The following GABRB3 variants were observed in gnomAD, a reference collection of about 807,000 sequenced individuals.
GABRB3 encodes gamma-aminobutyric acid receptor subunit beta-3.
A neutral mutation model predicts 52.1 loss-of-function variants in GABRB3; 14 were observed. The ratio of observed to expected loss-of-function variants is 0.27; its 90% CI spans 0.18 to 0.42. The LOEUF (loss-of-function observed/expected upper bound fraction) is 0.42, where lower values mean the gene tolerates loss of function less well. GABRB3 is among the 10% of genes least tolerant of loss of function. The pLI, the probability that GABRB3 is intolerant of heterozygous loss-of-function variation, is 1.00. For synonymous variants in GABRB3, 260 were observed against 232.3 expected, an observed-to-expected ratio of 1.12 and a Z score of -1.08; for missense variants, 307 against 609.1, an observed-to-expected ratio of 0.50 and a Z score of 5.22.
At chr15:26,614,443 G>C (rs926292776) in intron 4 of GABRB3, 7 of 152,158 alleles carry the variant, frequency 4.6e-5, no homozygotes, top group African/African-American at 1.7e-4. Flanking sequence ...AGTAGCCTGA[G>C]TGATAATAAA....
chr15:26,635,002 A>ATC (rs1893014807), intron 3 of GABRB3, among the ~76,000 whole-genome samples: 2 of 7,794 alleles, frequency 2.6e-4, no homozygotes, highest in Non-Finnish European at 1.1e-3. Context: ...ATATATATAT[A>ATC]TATATATAAT....
chr15:26,630,762 A>G (rs1397433902), intron 3 of GABRB3, among the ~76,000 whole-genome samples: 8 of 152,178 alleles, frequency 5.3e-5, no homozygotes, highest in African/African-American at 1.7e-4. Context: ...AGAAAATACA[A>G]TCTCTCTCAG....
At chr15:26,701,400 G>A (rs1156467745) in intron 3 of GABRB3, among the ~76,000 whole-genome samples, 2 of 152,184 alleles carry the variant, frequency 1.3e-5, no homozygotes, top group Non-Finnish European at 2.9e-5. Flanking sequence ...ACAAGACTGT[G>A]GGGTATCAAG....
At chr15:26,751,118 T>C (rs1446673410) in intron 3 of GABRB3, among the ~76,000 whole-genome samples, 2 of 152,194 alleles carry the variant, frequency 1.3e-5, no homozygotes, top group South Asian at 2.1e-4. Context: ...AACTATGTGA[T>C]GCGTTTTTAC....
At chr15:26,772,355 C>G in intron 3 of GABRB3, 47 bp downstream of exon 3, 10 of 1,528,778 alleles carry the variant, frequency 6.5e-6, no homozygotes, top group Non-Finnish European at 9.0e-6. Flanking sequence ...TGATCCCAGA[C>G]AGCGGGCCGG....
At chr15:26,587,965 C>G (rs1225201045) in intron 4 of GABRB3, among the ~76,000 whole-genome samples, 2 of 152,122 alleles carry the variant, frequency 1.3e-5, no homozygotes, top group Admixed American at 1.3e-4. Context: ...GGGTGAGGCT[C>G]TCTCAGTATT....
chr15:26,612,011 A>T (rs1892088434), intron 4 of GABRB3: 4 of 152,222 alleles, frequency 2.6e-5, no homozygotes, highest in Admixed American at 6.5e-5. Flanking sequence ...TACTAGTCAC[A>T]TGCCTGAAGT....
intron 4 of GABRB3, among the ~76,000 whole-genome samples, chr15:26,584,373 G>A (rs375609611): frequency 6.6e-6 from 1 of 152,086 alleles, no homozygotes; most frequent in Non-Finnish European, 1.5e-5. Context: ...CTTTCCACGG[G>A]AAGTGTTAAA....
chr15:26,726,926 C>A (rs545826466), intron 3 of GABRB3, among the ~76,000 whole-genome samples: 7 of 152,024 alleles, frequency 4.6e-5, no homozygotes, highest in Non-Finnish European at 8.8e-5. Flanking sequence ...TTTGGGAGAC[C>A]GAGGCAGGCG....
At chr15:26,649,538 A>T (rs566218556) in intron 3 of GABRB3, among the ~76,000 whole-genome samples, 3 of 152,280 alleles carry the variant, frequency 2.0e-5, no homozygotes, top group Admixed American at 6.5e-5. Context: ...GACAGGCATG[A>T]CTGGAGGTAG....
At chr15:26,642,289 T>C in intron 3 of GABRB3, 1 of 230,046 alleles carries the variant, frequency 4.3e-6, no homozygotes, top group East Asian at 9.9e-5. Context: ...CAACTTTTCG[T>C]GTATGGTATA....
Position 26,547,068 on chromosome 15 carries a change from C to G in GABRB3, c.*725G>C, listed in dbSNP as rs964313066. The G allele has an allele frequency of 2.6e-5, 4 of 154,088 alleles. No individual in the cohort carries two copies. Among genetic ancestry groups the G allele is most frequent in the Non-Finnish European group, 4.3e-5 (3 of 69,502 alleles). 9.5% of individuals were successfully genotyped at this position (154,088 alleles called of 1,614,324 possible). A position where few individuals can be genotyped will look rare whatever the true frequency, so the allele number is the denominator to read the frequency against. ...ACACTGTATATTAGAGTACTTACAACGAGATGCCATTCACTCCCGATGAGT... is the reference window on the plus strand; with the variant it reads ...ACACTGTATATTAGAGTACTTACAAGGAGATGCCATTCACTCCCGATGAGT... On this transcript the variant is annotated 3_prime_UTR_variant, in exon 9 of 9. Coordinates refer to ENST00000311550, the MANE Select transcript of GABRB3 (RefSeq NM_000814.6).
At chr15:26,567,265 C>T (rs188120155) in intron 7 of GABRB3, among the ~76,000 whole-genome samples, 136 of 152,234 alleles carry the variant, frequency 8.9e-4, no homozygotes, top group Non-Finnish European at 1.6e-3. Context: ...CTTTCTGGGC[C>T]ATGGAATAAT....
chr15:26,621,241 A>G lies in GABRB3; in HGVS notation c.461+73T>C. Reference sequence around the variant, plus strand: ...TGAGGTCATTGCCTCACTTACAATAATCATCTCAAGTGAGATATTCAACAC... The same window carrying G: ...TGAGGTCATTGCCTCACTTACAATAGTCATCTCAAGTGAGATATTCAACAC... On this transcript the variant is annotated intron_variant, in intron 4 of 8. Coordinates refer to ENST00000311550, the MANE Select transcript of GABRB3 (RefSeq NM_000814.6). This position sits in a 1 kb window ranked among gnomAD's most constrained non-coding sequence, Gnocchi z 4.1. 1 of 1,151,344 alleles carries G rather than the reference A, an allele frequency of 8.7e-7. No homozygotes were observed. The highest frequency in any genetic ancestry group is 1.3e-6 in the Non-Finnish European group (1 of 759,264). 71.3% of individuals were successfully genotyped at this position (1,151,344 alleles called of 1,614,324 possible). A position where few individuals can be genotyped will look rare whatever the true frequency, so the allele number is the denominator to read the frequency against.
intron 4 of GABRB3, among the ~76,000 whole-genome samples, chr15:26,594,003 T>A (rs921922302): frequency 7.2e-5 from 10 of 138,194 alleles, no homozygotes; most frequent in African/African-American, 2.7e-4. Context: ...TATATATATA[T>A]AATAGCCATC....
At chr15:26,691,057 C>T (rs1888572862) in intron 3 of GABRB3, among the ~76,000 whole-genome samples, 1 of 151,520 alleles carries the variant, frequency 6.6e-6, no homozygotes. Context: ...TTATTCCCTC[C>T]TCTCCCTCCC....
At chr15:26,704,264 G>A (rs35990452) in intron 3 of GABRB3, among the ~76,000 whole-genome samples, 25,148 of 152,250 alleles carry the variant, frequency 0.17, 2,316 homozygotes, top group Middle Eastern at 0.26. Context: ...GTGGAGAAAA[G>A]ACTTAAAGTA....
intron 4 of GABRB3, among the ~76,000 whole-genome samples, chr15:26,605,761 G>T (rs945365301): frequency 6.6e-6 from 1 of 152,146 alleles, no homozygotes; most frequent in East Asian, 1.9e-4. Flanking sequence ...TAGAAGGATG[G>T]TAAGTGTAGT....
chr15:26,654,808 TTTTG>T (rs938247890), intron 3 of GABRB3, among the ~76,000 whole-genome samples: 10 of 152,038 alleles, frequency 6.6e-5, no homozygotes, highest in Non-Finnish European at 1.2e-4. Flanking sequence ...GTAAATTTTT[TTTTG>T]TTTGTTTTTG....
Sources: allele counts gnomAD v4.1 joint callset (sites outside exome capture counted in the v4.1 genomes callset), GRCh38; gene constraint gnomAD v4.1.1; non-coding constraint Gnocchi (gnomAD v3.1); transcripts MANE v1.5; gene names NCBI Gene and HGNC (gene_info 2026-07-23, HGNC 2026-07-21).